Variants in HMGCLL1 observed in about 807,000 individuals in gnomAD.
The protein encoded by HMGCLL1 is 3-hydroxymethyl-3-methylglutaryl-CoA lyase, cytoplasmic.
In HMGCLL1, 36 loss-of-function variants were observed where a neutral mutation model predicts 39.1. That is an observed-to-expected ratio of 0.92 (90% CI 0.71 to 1.22). The LOEUF is 1.22. Ranked by LOEUF, HMGCLL1 falls within the 50% of genes most tolerant of loss-of-function variation. The pLI, the probability that HMGCLL1 is intolerant of heterozygous loss-of-function variation, is 0.00. For missense variants in HMGCLL1, 451 were observed against 416.5 expected (o/e 1.08, Z -0.72); for synonymous variants, 149 against 144.0 (o/e 1.03, Z -0.25).
chr6:55,569,204 G>C (rs1294568290), intron 1 of HMGCLL1, among the ~76,000 whole-genome samples: 1 of 152,114 alleles, frequency 6.6e-6, no homozygotes, highest in Non-Finnish European at 1.5e-5. Flanking sequence ...ACCTCAAAAA[G>C]GATAGAAGGG....
At chr6:55,547,001 T>G (rs898020130) in intron 1 of HMGCLL1, among the ~76,000 whole-genome samples, 1 of 152,014 alleles carries the variant, frequency 6.6e-6, no homozygotes, top group Non-Finnish European at 1.5e-5. Context: ...ATATGTTACT[T>G]TACTTTTCCA....
the HMGCLL1 span, among the ~76,000 whole-genome samples, chr6:55,651,114 T>C: frequency 3.0e-4 from 46 of 152,086 alleles, 1 homozygote; most frequent in Non-Finnish European, 5.9e-4. Flanking sequence ...AGAAAGAGTC[T>C]TTCACTGTAG....
At chr6:55,439,389 G>C (rs1406552196) in intron 8 of HMGCLL1, 45 bp downstream of exon 8, 1 of 1,559,004 alleles carries the variant, frequency 6.4e-7, no homozygotes, top group Non-Finnish European at 8.7e-7. Context: ...GCAATTTGGA[G>C]CTGCAAGGAA....
chr6:55,444,968 T>TCTAGACA (rs1464461594), intron 7 of HMGCLL1, among the ~76,000 whole-genome samples: 1 of 152,020 alleles, frequency 6.6e-6, no homozygotes, highest in East Asian at 1.9e-4. Flanking sequence ...CCAGATTAGC[T>TCTAGACA]CTAGACACAG....
At chr6:55,464,287 T>C (rs1462807204) in intron 7 of HMGCLL1, among the ~76,000 whole-genome samples, 1 of 152,176 alleles carries the variant, frequency 6.6e-6, no homozygotes, top group African/African-American at 2.4e-5. Flanking sequence ...AGACTCCTAG[T>C]TGCAAGTAGA....
chr6:55,590,122 T>G, the HMGCLL1 span, among the ~76,000 whole-genome samples: 479 of 152,280 alleles, frequency 3.1e-3, 4 homozygotes, highest in African/African-American at 0.011. Context: ...AGAACAAAGC[T>G]GGAGGCATCA....
intron 1 of HMGCLL1, among the ~76,000 whole-genome samples, chr6:55,553,499 C>G (rs1234836072): frequency 6.6e-6 from 1 of 151,896 alleles, no homozygotes; most frequent in Non-Finnish European, 1.5e-5. Flanking sequence ...ACTCTAGAGA[C>G]AAACAATCTA....
intron 3 of HMGCLL1, among the ~76,000 whole-genome samples, chr6:55,535,789 A>C (rs1768983861): frequency 6.6e-6 from 1 of 152,162 alleles, no homozygotes; most frequent in South Asian, 2.1e-4. Flanking sequence ...TCCCAAATGG[A>C]AAGTTTTTCT....
At chr6:55,653,501 A>G in the HMGCLL1 span, among the ~76,000 whole-genome samples, 3 of 131,948 alleles carry the variant, frequency 2.3e-5, no homozygotes, top group Non-Finnish European at 4.8e-5. Context: ...AAAACTTCAA[A>G]CTACCCTGTA....
intron 3 of HMGCLL1, among the ~76,000 whole-genome samples, chr6:55,516,939 A>T (rs1028298879): frequency 5.3e-5 from 8 of 152,070 alleles, no homozygotes; most frequent in Non-Finnish European, 1.2e-4. Flanking sequence ...GACTGGGGAA[A>T]GTTGGAAAGG....
rs143648369 is a variant in HMGCLL1 at position 55,550,144 on chromosome 6, A to G, written c.109-8004T>C. Among the ~76,000 whole-genome samples, 178 of 152,144 alleles carry G rather than the reference A, an allele frequency of 1.2e-3. 6 individuals are homozygous for G. The highest frequency in any genetic ancestry group is 4.2e-3 in the African/African-American group (173 of 41,404). ...TGAATTATTGAGTGCTAAAGGTGGC[A>G]GAAGGGGTTGAGAAAAATGTTACCA... On this transcript the variant is annotated intron_variant, in intron 1 of 8. Transcript: ENST00000274901.
At chr6:55,558,174 A>G (rs536990589) in intron 1 of HMGCLL1, among the ~76,000 whole-genome samples, 13 of 152,364 alleles carry the variant, frequency 8.5e-5, no homozygotes, top group African/African-American at 2.9e-4. Context: ...TTTATAACTT[A>G]AATGTGCAAA....
chr6:55,531,858 C>T (rs1457458827), intron 3 of HMGCLL1, among the ~76,000 whole-genome samples: 1 of 152,126 alleles, frequency 6.6e-6, no homozygotes, highest in African/African-American at 2.4e-5. Flanking sequence ...CTTTATCATC[C>T]CCATATGGGA....
intron 5 of HMGCLL1, among the ~76,000 whole-genome samples, chr6:55,502,533 C>T (rs1201367733): frequency 6.6e-6 from 1 of 151,696 alleles, no homozygotes; most frequent in African/African-American, 2.4e-5. Context: ...GGGTTTCACT[C>T]TTACAGTTTT....
chr6:55,675,704 T>C, the HMGCLL1 span, among the ~76,000 whole-genome samples: 2 of 152,278 alleles, frequency 1.3e-5, no homozygotes, highest in East Asian at 3.9e-4. Flanking sequence ...TTTGAAACCC[T>C]TAAAATTCCT....
intron 7 of HMGCLL1, among the ~76,000 whole-genome samples, chr6:55,467,287 T>C (rs1393129016): frequency 1.3e-5 from 2 of 152,108 alleles, no homozygotes; most frequent in African/African-American, 2.4e-5. Context: ...TGCCTCCATG[T>C]AATACAAAAT....
chr6:55,622,733 G>A, the HMGCLL1 span, among the ~76,000 whole-genome samples: 9 of 151,792 alleles, frequency 5.9e-5, no homozygotes, highest in African/African-American at 2.2e-4. Flanking sequence ...TTTTTGTTTT[G>A]TTTTGGTCTG....
At chr6:55,591,403 C>A in the HMGCLL1 span, among the ~76,000 whole-genome samples, 2 of 151,936 alleles carry the variant, frequency 1.3e-5, no homozygotes, top group African/African-American at 4.8e-5. Context: ...TCGAAGCAAA[C>A]TTGCAGAGGG....
chr6:55,546,488 A>G (rs928442736), intron 1 of HMGCLL1, among the ~76,000 whole-genome samples: 2 of 152,108 alleles, frequency 1.3e-5, no homozygotes, highest in Non-Finnish European at 2.9e-5. Flanking sequence ...GTAAAATTGA[A>G]CTTTCTTTTA....
Sources: allele counts gnomAD v4.1 joint callset (sites outside exome capture counted in the v4.1 genomes callset), GRCh38; gene constraint gnomAD v4.1.1; transcripts MANE v1.5; gene names NCBI Gene and HGNC (gene_info 2026-07-23, HGNC 2026-07-21).